The following MIER1 variants were observed in gnomAD, a reference collection of about 807,000 sequenced individuals.
The protein encoded by MIER1 is mesoderm induction early response protein 1.
In MIER1, 40 loss-of-function variants were observed where a neutral mutation model predicts 75.7. The ratio of observed to expected loss-of-function variants is 0.53; its 90% CI spans 0.41 to 0.69. MIER1 has a LOEUF of 0.69. Ranked by LOEUF, MIER1 falls within the 30% of genes least tolerant of loss-of-function variation. MIER1 has a pLI of 0.00. For synonymous variants in MIER1, 213 were observed against 223.4 expected, an observed-to-expected ratio of 0.95 and a Z score of 0.42; for missense variants, 574 against 680.2, an observed-to-expected ratio of 0.84 and a Z score of 1.74.
intron 2 of MIER1, among the ~76,000 whole-genome samples, chr1:66,928,111 A>C (rs891485524): frequency 3.3e-5 from 5 of 152,086 alleles, no homozygotes; most frequent in African/African-American, 1.2e-4. Flanking sequence ...AAACCCACTG[A>C]ATCCACATTT....
chr1:66,930,396 C>T, intron 2 of MIER1: 1 of 1,608,012 alleles, frequency 6.2e-7, no homozygotes, highest in Admixed American at 1.7e-5. Context: ...GCAAATATGG[C>T]GGAGGTAAGG....
chr1:66,927,478 A>G (rs1220712912), intron 2 of MIER1, among the ~76,000 whole-genome samples: 2 of 152,124 alleles, frequency 1.3e-5, no homozygotes, highest in African/African-American at 4.8e-5. Context: ...TTAATGGTGC[A>G]TTTTCTTATG....
intron 3 of MIER1, among the ~76,000 whole-genome samples, chr1:66,943,589 C>T (rs954626247): frequency 6.7e-6 from 1 of 149,548 alleles, no homozygotes; most frequent in Admixed American, 6.7e-5. Flanking sequence ...TTCCTCTTTT[C>T]TTCCTTTCTT....
Position 66,969,312 on chromosome 1 carries a change from G to A in MIER1, c.773-1496G>A, listed in dbSNP as rs376206489. On this transcript the variant is annotated intron_variant, in intron 8 of 13. Coordinates refer to ENST00000401041, the MANE Select transcript of MIER1 (RefSeq NM_001077700.3). ...TGTAATCCCAGCACTTTGGGAGGCC[G>A]AGGCGGGTGGATCATGAGGTCAGGA... 1.6e-4 allele frequency among the ~76,000 whole-genome samples: 24 copies of A among 151,972 alleles called. No individual in the cohort carries two copies. In the East Asian group the frequency reaches 3.9e-3, roughly 25 times the overall value.
intron 4 of MIER1, among the ~76,000 whole-genome samples, chr1:66,949,603 T>G (rs1658453114): frequency 6.6e-6 from 1 of 152,230 alleles, no homozygotes; most frequent in South Asian, 2.1e-4. Flanking sequence ...ATGCTTTTCA[T>G]CTGTAACCTG....
intron 7 of MIER1, 129 bp from the exon 8 acceptor site, chr1:66,962,959 A>G: frequency 3.4e-6 from 2 of 582,572 alleles, no homozygotes; most frequent in South Asian, 2.3e-5. Context: ...CCTCTGAGGT[A>G]GTTAATTGGT....
chr1:66,936,796 C>T (rs1019489223), intron 2 of MIER1, among the ~76,000 whole-genome samples: 64 of 151,256 alleles, frequency 4.2e-4, no homozygotes, highest in South Asian at 8.4e-4. Context: ...GTCAGGAGAT[C>T]GAGACCATCC....
chr1:66,946,732 C>G, intron 4 of MIER1: 2 of 985,858 alleles, frequency 2.0e-6, no homozygotes, highest in Non-Finnish European at 2.4e-6. Flanking sequence ...TCTAGATTAT[C>G]TCCACCTCTT....
At position 66,946,133 on chromosome 1, in the gene MIER1, G is replaced by T; in HGVS notation, c.194-17G>T. The T allele has an allele frequency of 6.3e-7, 1 of 1,582,638 alleles. No individual in the cohort carries two copies. Among genetic ancestry groups the T allele is most frequent in the Non-Finnish European group, 8.5e-7 (1 of 1,171,426 alleles). On this transcript the variant is annotated splice_polypyrimidine_tract_variant and intron_variant, in intron 3 of 13. Coordinates refer to ENST00000401041, the MANE Select transcript of MIER1 (RefSeq NM_001077700.3). ...CTTAATTTGGTTTACCAAACTTTTT[G>T]AAATATTCCTTACCAGGAGGTTCAG... is the stretch of plus-strand genomic sequence containing the variant.
intron 12 of MIER1, among the ~76,000 whole-genome samples, chr1:66,981,030 C>A (rs905479763): frequency 5.9e-5 from 9 of 152,064 alleles, no homozygotes; most frequent in African/African-American, 2.2e-4. Flanking sequence ...GGTTTAGTAG[C>A]ACTTTTTGGA....
intron 12 of MIER1, among the ~76,000 whole-genome samples, chr1:66,981,467 CTTCAG>C (rs1398810935): frequency 2.6e-5 from 4 of 152,156 alleles, no homozygotes; most frequent in Non-Finnish European, 1.5e-5. Flanking sequence ...ACCCCTATCA[CTTCAG>C]TTAAGAGATC....
intron 1 of MIER1, chr1:66,925,639 TG>T (rs1172301631): frequency 2.6e-6 from 2 of 763,166 alleles, no homozygotes; most frequent in Non-Finnish European, 3.2e-6. Context: ...TCCTAGCGCG[TG>T]GGAGGATCCC....
chr1:66,950,566 T>C (rs561019303), intron 4 of MIER1, among the ~76,000 whole-genome samples: 4 of 152,222 alleles, frequency 2.6e-5, no homozygotes, highest in African/African-American at 7.2e-5. Context: ...TATTTAGATA[T>C]ATTTTATAAA....
At chr1:66,973,222 C>G (rs1307425332) in intron 11 of MIER1, among the ~76,000 whole-genome samples, 1 of 152,018 alleles carries the variant, frequency 6.6e-6, no homozygotes, top group South Asian at 2.1e-4. Flanking sequence ...GAATTGTACT[C>G]ATTTACAAGC....
intron 4 of MIER1, chr1:66,946,533 A>C: frequency 8.5e-7 from 1 of 1,178,666 alleles, no homozygotes; most frequent in East Asian, 4.3e-5. Flanking sequence ...ATAGACTGTT[A>C]AATGATTCTG....
At chr1:66,933,666 C>T (rs1471235911) in intron 2 of MIER1, among the ~76,000 whole-genome samples, 1 of 152,034 alleles carries the variant, frequency 6.6e-6, no homozygotes, top group African/African-American at 2.4e-5. Context: ...TAATTCTCGA[C>T]ACTAATAATG....
intron 3 of MIER1, among the ~76,000 whole-genome samples, chr1:66,944,868 G>A (rs1167124455): frequency 3.3e-5 from 5 of 151,984 alleles, no homozygotes; most frequent in Non-Finnish European, 7.4e-5. Context: ...TGGGATGACA[G>A]GCACACAGCA....
At chr1:66,943,735 C>G (rs1318795308) in intron 3 of MIER1, among the ~76,000 whole-genome samples, 1 of 152,070 alleles carries the variant, frequency 6.6e-6, no homozygotes, top group Non-Finnish European at 1.5e-5. Flanking sequence ...CCAATATTTT[C>G]TGGTGCTTCT....
intron 1 of MIER1, chr1:66,925,525 A>C: frequency 1.0e-6 from 1 of 985,390 alleles, no homozygotes; most frequent in Non-Finnish European, 1.2e-6. Flanking sequence ...CTTGCACTGC[A>C]GCCTTTATGG....
Sources: allele counts gnomAD v4.1 joint callset (sites outside exome capture counted in the v4.1 genomes callset), GRCh38; gene constraint gnomAD v4.1.1; transcripts MANE v1.5; gene names NCBI Gene and HGNC (gene_info 2026-07-23, HGNC 2026-07-21).